Variants in EYA4 observed in about 807,000 individuals in gnomAD.
The protein encoded by EYA4 is EYA transcriptional coactivator and phosphatase 4, also known as protein phosphatase EYA4.
Under a neutral mutation model 87.9 loss-of-function variants are expected in EYA4, and 31 were observed. The observed-to-expected ratio is 0.35, with a 90% CI of 0.27 to 0.48. The LOEUF is 0.48. EYA4 is among the 20% of genes least tolerant of loss of function. EYA4 has a pLI of 0.99. For synonymous variants in EYA4, 263 were observed against 270.6 expected (o/e 0.97, Z 0.28); for missense variants, 678 against 761.4 (o/e 0.89, Z 1.29).
intron 1 of EYA4, among the ~76,000 whole-genome samples, chr6:133,242,771 T>C (rs1162617311): frequency 6.6e-6 from 1 of 152,114 alleles, no homozygotes; most frequent in African/African-American, 2.4e-5. Context: ...GAGAGCGCAA[T>C]TTAATTTTTG....
chr6:133,312,257 G>C (rs188454658), intron 2 of EYA4, among the ~76,000 whole-genome samples: 4 of 152,060 alleles, frequency 2.6e-5, no homozygotes, highest in African/African-American at 9.7e-5. Context: ...ATGTGGGGAG[G>C]GGTGAGGAAA....
At chr6:133,288,933 A>G (rs1778275076) in intron 2 of EYA4, among the ~76,000 whole-genome samples, 1 of 152,198 alleles carries the variant, frequency 6.6e-6, no homozygotes, top group Admixed American at 6.5e-5. Flanking sequence ...GTGGCCCTTC[A>G]AAAGGAAGTC....
Position 133,476,753 on chromosome 6 carries a change from T to C in EYA4, c.971-4710T>C, listed in dbSNP as rs1044405756. On this transcript the variant is annotated intron_variant, in intron 11 of 19. Coordinates refer to ENST00000355286, the MANE Select transcript of EYA4 (RefSeq NM_004100.5). ...TCTTCAACATACTGATTTCATTTCC[T>C]TTGATATATACCCAGCGGTGTGATT... 7.8e-4 allele frequency among the ~76,000 whole-genome samples: 118 copies of C among 152,232 alleles called. 1 individual carries two copies. The highest frequency in any genetic ancestry group is 3.4e-3 in the Middle Eastern group (1 of 294).
intron 2 of EYA4, among the ~76,000 whole-genome samples, chr6:133,381,697 G>T (rs1245428192): frequency 2.0e-5 from 3 of 152,104 alleles, no homozygotes; most frequent in Non-Finnish European, 4.4e-5. Context: ...ATCAGATATA[G>T]ATATAAGTGC....
chr6:133,395,183 C>A (rs1314741964), intron 3 of EYA4, among the ~76,000 whole-genome samples: 4 of 151,734 alleles, frequency 2.6e-5, no homozygotes, highest in Non-Finnish European at 5.9e-5. Flanking sequence ...TAGAATTATT[C>A]CTTTTTCATG....
intron 2 of EYA4, among the ~76,000 whole-genome samples, chr6:133,288,831 A>T (rs1582857952): frequency 6.6e-6 from 1 of 152,110 alleles, no homozygotes; most frequent in Non-Finnish European, 1.5e-5. Context: ...AACTCTCAGG[A>T]GGAATTGGTC....
At chr6:133,473,670 C>T (rs1795471509) in intron 11 of EYA4, among the ~76,000 whole-genome samples, 1 of 151,930 alleles carries the variant, frequency 6.6e-6, no homozygotes, top group Admixed American at 6.6e-5. Context: ...TTTATATCCT[C>T]CTACCTGTGG....
chr6:133,376,392 A>G (rs1001639123), intron 2 of EYA4, among the ~76,000 whole-genome samples: 3 of 151,892 alleles, frequency 2.0e-5, no homozygotes, highest in Non-Finnish European at 2.9e-5. Context: ...TTCAGTGTAT[A>G]GTATGTCCTA....
At chr6:133,244,512 T>C (rs575963538) in intron 1 of EYA4, among the ~76,000 whole-genome samples, 7 of 152,068 alleles carry the variant, frequency 4.6e-5, no homozygotes, top group African/African-American at 1.7e-4. Flanking sequence ...AGAGGGTTTC[T>C]AGAAGCTGGA....
intron 1 of EYA4, among the ~76,000 whole-genome samples, chr6:133,267,695 T>G (rs1441417769): frequency 6.6e-6 from 1 of 152,150 alleles, no homozygotes; most frequent in Non-Finnish European, 1.5e-5. Flanking sequence ...TCATCATTTT[T>G]ATAATTACTT....
chr6:133,532,100 C>G lies in EYA4; in HGVS notation c.*3295C>G, dbSNP rs1273769812. 3 of 152,102 alleles carry G rather than the reference C, an allele frequency of 2.0e-5. No homozygotes were observed. Among genetic ancestry groups the G allele is most frequent in the Non-Finnish European group, 4.4e-5 (3 of 68,014 alleles). 9.4% of individuals were successfully genotyped at this position (152,102 alleles called of 1,614,324 possible). A position where few individuals can be genotyped will look rare whatever the true frequency, so the allele number is the denominator to read the frequency against. ...TACTATTTCTCAATAAATACCTTTG[C>G]AATTGTTTTCATTTCCTTCACCCTC... On this transcript the variant is annotated 3_prime_UTR_variant, in exon 20 of 20. Transcript: ENST00000355286.
intron 16 of EYA4, among the ~76,000 whole-genome samples, chr6:133,515,069 T>A (rs148640976): frequency 4.0e-4 from 61 of 152,296 alleles, no homozygotes; most frequent in Middle Eastern, 6.8e-3. Flanking sequence ...GTAGGATCAG[T>A]GAGGGCAGAG....
chr6:133,262,589 T>C lies in EYA4; in HGVS notation c.-65-12127T>C, dbSNP rs529077960. On this transcript the variant is annotated intron_variant, in intron 1 of 19. Coordinates refer to ENST00000355286, the MANE Select transcript of EYA4 (RefSeq NM_004100.5). ...CACAGACAAAATAGAACACCTTGTT[T>C]GGACCTGCTTGTCAAAAATCAAATG... is the stretch of plus-strand genomic sequence containing the variant. 2.1e-3 allele frequency among the ~76,000 whole-genome samples: 327 copies of C among 152,334 alleles called. 1 individual carries two copies. Among genetic ancestry groups the C allele is most frequent in the Middle Eastern group, 0.02 (6 of 294 alleles).
intron 2 of EYA4, among the ~76,000 whole-genome samples, chr6:133,369,261 C>A (rs1785085149): frequency 6.6e-6 from 1 of 151,932 alleles, no homozygotes; most frequent in East Asian, 1.9e-4. Context: ...GCATTATTAT[C>A]TGATTTTATT....
rs758076073 is a variant in EYA4 at position 133,448,154 on chromosome 6, T to A, written c.252T>A (p.Ser84Arg). Reference protein sequence around the residue: ...TVLNTADWLLSCNTPSSATMS... With the variant: ...TVLNTADWLLRCNTPSSATMS... Reference sequence around the variant, plus strand: ...TAAACACAGCAGACTGGTTGCTGAGTTGCAACACCCCCTCTTCTGCAACAA... The same window carrying A: ...TAAACACAGCAGACTGGTTGCTGAGATGCAACACCCCCTCTTCTGCAACAA... The change falls in exon 5 of 20, where the codon AGT becomes AGA. Residue 84 changes from serine to arginine, a missense_variant. Coordinates refer to ENST00000355286, the MANE Select transcript of EYA4 (RefSeq NM_004100.5). 65 of 1,613,528 alleles carry A rather than the reference T, an allele frequency of 4.0e-5. 2 individuals are homozygous for A. Among genetic ancestry groups the A allele is most frequent in the Admixed American group, 2.8e-4 (17 of 59,984 alleles).
chr6:133,481,408 C>G, intron 11 of EYA4, 55 bp from the exon 12 acceptor site: 11 of 1,526,470 alleles, frequency 7.2e-6, no homozygotes, highest in Non-Finnish European at 1.0e-5. Context: ...AATGAAGACT[C>G]ATACTTGATC....
At chr6:133,468,127 C>A (rs879889608) in intron 10 of EYA4, among the ~76,000 whole-genome samples, 1 of 151,992 alleles carries the variant, frequency 6.6e-6, no homozygotes, top group African/African-American at 2.4e-5. Context: ...CACAAAAATG[C>A]AGACTGAGGT....
intron 2 of EYA4, among the ~76,000 whole-genome samples, chr6:133,361,646 T>C (rs1489599462): frequency 6.6e-6 from 1 of 152,208 alleles, no homozygotes; most frequent in Non-Finnish European, 1.5e-5. Context: ...GACATAAGTT[T>C]CTGGAAGAGA....
intron 2 of EYA4, among the ~76,000 whole-genome samples, chr6:133,366,743 T>C (rs1444932078): frequency 6.6e-6 from 1 of 151,168 alleles, no homozygotes; most frequent in Non-Finnish European, 1.5e-5. Flanking sequence ...ATATTCTATG[T>C]AGATAACACA....
Sources: allele counts gnomAD v4.1 joint callset (sites outside exome capture counted in the v4.1 genomes callset), GRCh38; gene constraint gnomAD v4.1.1; transcripts MANE v1.5; gene names NCBI Gene and HGNC (gene_info 2026-07-23, HGNC 2026-07-21).